The following WASHC2C variants were observed in gnomAD, a reference collection of about 807,000 sequenced individuals.
WASHC2C encodes the protein Vaccinia Penetration Factor.
Under a neutral mutation model 142.2 loss-of-function variants are expected in WASHC2C, and 73 were observed. That is an observed-to-expected ratio of 0.51 (90% CI 0.43 to 0.62). WASHC2C has a LOEUF of 0.62. WASHC2C is among the 20% of genes least tolerant of loss of function. The probability of loss-of-function intolerance (pLI) is 0.00; values close to 1 mark genes in which losing one functional copy is unlikely to be tolerated. For missense variants in WASHC2C, 969 were observed against 1,531.7 expected (o/e 0.63, Z 6.13); for synonymous variants, 337 against 565.5 (o/e 0.60, Z 5.73).
intron 7 of WASHC2C, among the ~76,000 whole-genome samples, chr10:45,745,679 C>T (rs2052728363): frequency 6.6e-6 from 1 of 151,634 alleles, no homozygotes; most frequent in South Asian, 2.1e-4. Context: ...TTTTAGCCAC[C>T]GATGTGGCAC....
intron 21 of WASHC2C, among the ~76,000 whole-genome samples, chr10:45,776,394 C>T (rs1480353521): frequency 6.6e-6 from 1 of 151,468 alleles, no homozygotes; most frequent in Non-Finnish European, 1.5e-5. Flanking sequence ...AAGTCACAAA[C>T]CTCAGTTTCC....
intron 23 of WASHC2C, among the ~76,000 whole-genome samples, chr10:45,784,283 T>TATACACACACACATATATATATATAG (rs2057816022): frequency 1.2e-4 from 1 of 8,090 alleles, no homozygotes; most frequent in Non-Finnish European, 3.3e-4. Context: ...TATATATATA[T>TATACACACACACATATATATATATAG]ATATATACAC....
At chr10:45,781,567 G>T (rs1279454020) in intron 23 of WASHC2C, among the ~76,000 whole-genome samples, 1 of 152,224 alleles carries the variant, frequency 6.6e-6, no homozygotes. Context: ...GTTGCTTAAG[G>T]TGCTAAGATA....
chr10:45,741,422 C>T (rs1306331126), intron 5 of WASHC2C, among the ~76,000 whole-genome samples: 1 of 151,560 alleles, frequency 6.6e-6, no homozygotes, highest in Non-Finnish European at 1.5e-5. Flanking sequence ...ATTGCCTGGA[C>T]CACACTTGAT....
chr10:45,771,548 T>C (rs1554884687), intron 20 of WASHC2C: 1 of 982,164 alleles, frequency 1.0e-6, no homozygotes, highest in African/African-American at 1.8e-5. Flanking sequence ...CCACACAAGG[T>C]CATAAATCTG....
intron 23 of WASHC2C, among the ~76,000 whole-genome samples, chr10:45,782,344 A>G (rs1406090901): frequency 6.6e-6 from 1 of 150,728 alleles, no homozygotes; most frequent in Non-Finnish European, 1.5e-5. Context: ...AAGATAGACA[A>G]ATGGCCAAAA....
intron 3 of WASHC2C, among the ~76,000 whole-genome samples, chr10:45,731,696 C>A (rs2610501): frequency 3.9e-5 from 6 of 151,938 alleles, no homozygotes; most frequent in Non-Finnish European, 7.4e-5. Context: ...AGGTTTTTTT[C>A]ATTTGTGGCA....
chr10:45,763,025 C>T (rs1182618710), intron 17 of WASHC2C, among the ~76,000 whole-genome samples: 5 of 152,070 alleles, frequency 3.3e-5, no homozygotes, highest in Admixed American at 6.5e-5. Context: ...CCTGTCTAAT[C>T]TCTGATTCTT....
intron 25 of WASHC2C, 117 bp downstream of exon 25, chr10:45,785,018 A>G (rs1316704467): frequency 2.5e-6 from 4 of 1,605,018 alleles, no homozygotes; most frequent in Admixed American, 3.4e-5. Context: ...TTCCTGCTAA[A>G]TGAATGGCAA....
intron 3 of WASHC2C, among the ~76,000 whole-genome samples, chr10:45,732,600 A>G (rs1378613912): frequency 2.0e-5 from 3 of 152,180 alleles, no homozygotes; most frequent in Non-Finnish European, 4.4e-5. Flanking sequence ...ATTAAAAAAA[A>G]AATTCCAGAA....
At chr10:45,757,599 G>C (rs1258907151) in intron 16 of WASHC2C, among the ~76,000 whole-genome samples, 3 of 152,152 alleles carry the variant, frequency 2.0e-5, no homozygotes, top group African/African-American at 7.2e-5. Context: ...GAATGTCTTT[G>C]CAAAATCACC....
chr10:45,766,628 TAGG>T (rs1242170965), intron 19 of WASHC2C, among the ~76,000 whole-genome samples: 3 of 143,024 alleles, frequency 2.1e-5, no homozygotes, highest in African/African-American at 5.3e-5. Flanking sequence ...GAACTATAGT[TAGG>T]AGGAGTTACC....
At chr10:45,754,150 G>A (rs2053951045) in intron 13 of WASHC2C, among the ~76,000 whole-genome samples, 1 of 152,160 alleles carries the variant, frequency 6.6e-6, no homozygotes, top group Admixed American at 6.5e-5. Flanking sequence ...GGGTAGAGGT[G>A]GAACTGTTTG....
intron 8 of WASHC2C, among the ~76,000 whole-genome samples, chr10:45,747,537 AG>A (rs1437750237): frequency 6.6e-6 from 1 of 152,260 alleles, no homozygotes; most frequent in Non-Finnish European, 1.5e-5. Context: ...TAAATGTATA[AG>A]GGAAAGAGTT....
intron 29 of WASHC2C, 58 bp from the exon 30 acceptor site, chr10:45,790,298 G>T (rs1229353721): frequency 6.2e-7 from 1 of 1,608,924 alleles, no homozygotes; most frequent in East Asian, 2.2e-5. Flanking sequence ...TGACGTGTTT[G>T]AGTTTAAAAA....
At chr10:45,784,426 T>C (rs1448400721) in intron 23 of WASHC2C, 139 bp from the exon 24 acceptor site, 3 of 1,018,496 alleles carry the variant, frequency 2.9e-6, no homozygotes, top group Non-Finnish European at 4.1e-6. Context: ...ACTGAGTGGC[T>C]TTTAGGCTGT....
At chr10:45,775,609 T>C (rs1182701013) in intron 21 of WASHC2C, among the ~76,000 whole-genome samples, 36 of 151,456 alleles carry the variant, frequency 2.4e-4, no homozygotes, top group South Asian at 1.5e-3. Flanking sequence ...ACCTTAGTTA[T>C]ATATGAAGGA....
chr10:45,769,354 G>A (rs1259089027), intron 19 of WASHC2C, 95 bp from the exon 20 acceptor site: 26 of 1,449,828 alleles, frequency 1.8e-5, no homozygotes, highest in Middle Eastern at 2.5e-4. Context: ...TGCTGATCTC[G>A]TGATTCACCC....
Position 45,750,178 on chromosome 10 carries a change from T to C in WASHC2C, c.815T>C (p.Ile272Thr), listed in dbSNP as rs1291211718. Reference sequence around the variant, plus strand: ...GACTCTGAGAAGGAGGAGGAAGATATTGAGGACATTGAAGAAAATACTAGA... The same window carrying C: ...GACTCTGAGAAGGAGGAGGAAGATACTGAGGACATTGAAGAAAATACTAGA... ...FADSEKEEED[I>T]EDIEENTRPK... is the part of the protein sequence containing the mutation. The change falls in exon 9 of 31, where the codon ATT becomes ACT. Residue 272 changes from isoleucine to threonine, a missense_variant. Transcript: ENST00000623400. 4 of 1,611,206 alleles carry C rather than the reference T, an allele frequency of 2.5e-6. No homozygotes were observed. The highest frequency in any genetic ancestry group is 1.3e-5 in the African/African-American group (1 of 74,646).
Sources: allele counts gnomAD v4.1 joint callset (sites outside exome capture counted in the v4.1 genomes callset), GRCh38; gene constraint gnomAD v4.1.1; transcripts MANE v1.5; gene names NCBI Gene and HGNC (gene_info 2026-07-23, HGNC 2026-07-21).